Variants in SPA17 observed in about 807,000 individuals in gnomAD.
The protein encoded by SPA17 is sperm surface protein Sp17.
SPA17 carries 7 observed loss-of-function variants against 13.8 expected under a neutral mutation model. That is an observed-to-expected ratio of 0.51 (90% CI 0.29 to 0.95). The LOEUF (loss-of-function observed/expected upper bound fraction) is 0.95. Ranked by LOEUF, SPA17 falls within the 40% of genes least tolerant of loss-of-function variation. The pLI is 0.08. For synonymous variants in SPA17, 61 were observed against 59.0 expected (o/e 1.03, Z -0.16); for missense variants, 170 against 179.3 (o/e 0.95, Z 0.30).
chr11:124,677,472 A>T (rs1028942965), intron 2 of SPA17, among the ~76,000 whole-genome samples: 1 of 152,214 alleles, frequency 6.6e-6, no homozygotes, highest in African/African-American at 2.4e-5. Context: ...TTTCTTATAC[A>T]CAAAGACAAA....
chr11:124,688,019 G>A (rs577787644), intron 3 of SPA17, among the ~76,000 whole-genome samples: 6 of 152,158 alleles, frequency 3.9e-5, no homozygotes, highest in African/African-American at 1.2e-4. Context: ...ATATATATAT[G>A]TATATATATT....
intron 2 of SPA17, among the ~76,000 whole-genome samples, chr11:124,678,198 A>G (rs1943491685): frequency 6.6e-6 from 1 of 151,992 alleles, no homozygotes; most frequent in South Asian, 2.1e-4. Context: ...ATACATCTAT[A>G]CAACTGAATT....
chr11:124,685,859 G>A (rs796309769), intron 3 of SPA17, among the ~76,000 whole-genome samples: 11 of 152,278 alleles, frequency 7.2e-5, no homozygotes, highest in African/African-American at 2.6e-4. Context: ...TGGAGCAGGT[G>A]TATTTACCCA....
chr11:124,687,316 CA>C (rs36035814), intron 3 of SPA17, among the ~76,000 whole-genome samples: 6 of 150,084 alleles, frequency 4.0e-5, no homozygotes, highest in East Asian at 1.9e-4. Flanking sequence ...CCAACACCAC[CA>C]AAAAAAAAGC....
chr11:124,688,763 C>G (rs1170600311), intron 3 of SPA17, among the ~76,000 whole-genome samples: 1 of 152,160 alleles, frequency 6.6e-6, no homozygotes, highest in Non-Finnish European at 1.5e-5. Context: ...AAAAAAGAGT[C>G]CAAATAGCCA....
intron 2 of SPA17, among the ~76,000 whole-genome samples, chr11:124,679,795 G>GT (rs1187441800): frequency 6.6e-6 from 1 of 152,190 alleles, no homozygotes; most frequent in Non-Finnish European, 1.5e-5. Flanking sequence ...TACTAGAGGT[G>GT]TTTCCAAAGG....
At chr11:124,682,368 C>G (rs566674539) in intron 3 of SPA17, among the ~76,000 whole-genome samples, 2 of 152,182 alleles carry the variant, frequency 1.3e-5, no homozygotes, top group East Asian at 3.9e-4. Context: ...CACAACAGTT[C>G]TCCACTAATA....
chr11:124,692,377 G>A (rs1943630206), intron 4 of SPA17, among the ~76,000 whole-genome samples: 1 of 151,980 alleles, frequency 6.6e-6, no homozygotes, highest in Non-Finnish European at 1.5e-5. Flanking sequence ...TCAGGAGATT[G>A]AGACCATCCT....
chr11:124,683,716 G>A, intron 3 of SPA17, among the ~76,000 whole-genome samples: 1 of 151,716 alleles, frequency 6.6e-6, no homozygotes, highest in Admixed American at 6.6e-5. Flanking sequence ...GTTAAAAACA[G>A]TAGAAAACAA....
At chr11:124,681,780 A>G (rs1943532996) in intron 3 of SPA17, among the ~76,000 whole-genome samples, 1 of 152,144 alleles carries the variant, frequency 6.6e-6, no homozygotes, top group Non-Finnish European at 1.5e-5. Context: ...CAACAGGAAG[A>G]AGGTGCTTAA....
intron 2 of SPA17, among the ~76,000 whole-genome samples, chr11:124,680,506 T>G (rs934495721): frequency 3.3e-5 from 5 of 152,140 alleles, no homozygotes; most frequent in African/African-American, 1.2e-4. Flanking sequence ...TAAAAGAAAT[T>G]TAAAAGACAT....
At chr11:124,675,099 G>T (rs1943443117) in intron 1 of SPA17, 139 bp from the exon 2 acceptor site, 1 of 754,486 alleles carries the variant, frequency 1.3e-6, no homozygotes, top group South Asian at 2.2e-5. Context: ...TGGAAGAAAT[G>T]GATGGGCTTG....
In SPA17 at chr11:124,682,715, A is replaced by T. The variant is rs145618292; in HGVS notation, c.225+1256A>T. On this transcript the variant is annotated intron_variant, in intron 3 of 4. Transcript: ENST00000227135. Reference sequence around the variant, plus strand: ...AGACAAAAATAAAAAAGAATAAACAAAGCCTTTAAGACATTTGGGACAACA... The same window carrying T: ...AGACAAAAATAAAAAAGAATAAACATAGCCTTTAAGACATTTGGGACAACA... Among the ~76,000 whole-genome samples, 6 of 152,232 alleles carry T rather than the reference A, an allele frequency of 3.9e-5. No individual in the cohort carries two copies. In the East Asian group the frequency reaches 1.2e-3, roughly 29 times the overall value.
At chr11:124,675,623 C>T in intron 2 of SPA17, 1 of 501,766 alleles carries the variant, frequency 2.0e-6, no homozygotes, top group Non-Finnish European at 3.5e-6. Flanking sequence ...ATTACCAGTT[C>T]ATTATTCAGA....
At chr11:124,680,972 T>C (rs532104139) in intron 2 of SPA17, among the ~76,000 whole-genome samples, 6 of 152,200 alleles carry the variant, frequency 3.9e-5, no homozygotes, top group African/African-American at 1.4e-4. Context: ...CATAATATAC[T>C]TCATTAAAAA....
chr11:124,678,330 T>A (rs1565423184), intron 2 of SPA17, among the ~76,000 whole-genome samples: 1 of 152,076 alleles, frequency 6.6e-6, no homozygotes, highest in Non-Finnish European at 1.5e-5. Context: ...GTGCTTAGTG[T>A]GCTACCATTT....
intron 4 of SPA17, among the ~76,000 whole-genome samples, chr11:124,693,747 A>G (rs1461378083): frequency 6.6e-6 from 1 of 152,200 alleles, no homozygotes; most frequent in Non-Finnish European, 1.5e-5. Flanking sequence ...ATAGCTAAAA[A>G]TTTATACCCA....
chr11:124,693,342 TATA>T (rs1943641221), intron 4 of SPA17, among the ~76,000 whole-genome samples: 1 of 152,132 alleles, frequency 6.6e-6, no homozygotes, highest in Non-Finnish European at 1.5e-5. Flanking sequence ...ATCAGTATAA[TATA>T]ATGATGTCAT....
At chr11:124,674,314 C>G (rs1377692917) in intron 1 of SPA17, 1 of 152,248 alleles carries the variant, frequency 6.6e-6, no homozygotes, top group East Asian at 1.9e-4. Flanking sequence ...GAGGCGGGAT[C>G]ATCGCTGGAG....
Sources: allele counts gnomAD v4.1 joint callset (sites outside exome capture counted in the v4.1 genomes callset), GRCh38; gene constraint gnomAD v4.1.1; transcripts MANE v1.5; gene names NCBI Gene and HGNC (gene_info 2026-07-23, HGNC 2026-07-21).